KCNJ15: variants seen among roughly 807,000 people sequenced by gnomAD.
The protein encoded by KCNJ15 is potassium inwardly rectifying channel subfamily J member 15, also known as ATP-sensitive inward rectifier potassium channel 15.
Under a neutral mutation model 23.0 loss-of-function variants are expected in KCNJ15, and 14 were observed. The ratio of observed to expected loss-of-function variants is 0.61; its 90% CI spans 0.40 to 0.95. The LOEUF (loss-of-function observed/expected upper bound fraction) is 0.95. Ranked by LOEUF, KCNJ15 falls within the 40% of genes least tolerant of loss-of-function variation. The pLI is 0.00. For synonymous variants in KCNJ15, 185 were observed against 183.2 expected, an observed-to-expected ratio of 1.01 and a Z score of -0.08; for missense variants, 388 against 461.8, an observed-to-expected ratio of 0.84 and a Z score of 1.46.
At chr21:38,291,023 C>A (rs1458147506) in intron 1 of KCNJ15, among the ~76,000 whole-genome samples, 1 of 149,410 alleles carries the variant, frequency 6.7e-6, no homozygotes, top group South Asian at 2.2e-4. Flanking sequence ...CACACACACA[C>A]ACGTATATAT....
At chr21:38,246,824 T>C (rs1325836955) in intron 1 of KCNJ15, among the ~76,000 whole-genome samples, 5 of 152,220 alleles carry the variant, frequency 3.3e-5, no homozygotes, top group Non-Finnish European at 1.5e-5. Flanking sequence ...AATCTCACTC[T>C]GCAAATTTAA....
chr21:38,244,168 G>A (rs577553891), intron 1 of KCNJ15, among the ~76,000 whole-genome samples: 1 of 152,042 alleles, frequency 6.6e-6, no homozygotes, highest in East Asian at 1.9e-4. Flanking sequence ...CTGAACCTGA[G>A]ACAAAGCCGC....
chr21:38,296,682 C>A (rs959187396), intron 1 of KCNJ15: 2 of 152,428 alleles, frequency 1.3e-5, no homozygotes, highest in African/African-American at 4.8e-5. Context: ...CCCTCTCTTT[C>A]CAGGGTGTTT....
intron 1 of KCNJ15, among the ~76,000 whole-genome samples, chr21:38,266,970 G>A (rs894097296): frequency 2.0e-5 from 3 of 152,194 alleles, no homozygotes; most frequent in Admixed American, 1.3e-4. Context: ...TGGGTCCTGA[G>A]CTGCACTTTA....
rs187800886 is a variant in KCNJ15, at chr21:38,306,915, C to G, written c.*6526C>G. The G allele has an allele frequency of 2.0e-5, 3 of 152,232 alleles. No homozygotes were observed. The highest frequency in any genetic ancestry group is 2.0e-4 in the Admixed American group (3 of 15,284). 9.4% of individuals were successfully genotyped at this position (152,232 alleles called of 1,614,324 possible). ...ATGTAGATTTTATATGCAAACAATC[C>G]CACTGCTTGTAACTCCTGGCAGTGT... On this transcript the variant is annotated 3_prime_UTR_variant, in exon 3 of 3. Transcript: ENST00000398938.
At chr21:38,245,569 A>G (rs1979307196) in intron 1 of KCNJ15, among the ~76,000 whole-genome samples, 1 of 151,428 alleles carries the variant, frequency 6.6e-6, no homozygotes, top group Admixed American at 6.6e-5. Context: ...ACAAAGAAAG[A>G]AAAGAAAGAA....
At chr21:38,237,009 A>G (rs2123544427) in intron 1 of KCNJ15, among the ~76,000 whole-genome samples, 1 of 152,186 alleles carries the variant, frequency 6.6e-6, no homozygotes, top group East Asian at 1.9e-4. Flanking sequence ...ATTTCTACTC[A>G]GTCATCCTTG....
At chr21:38,237,968 A>C (rs2836231) in intron 1 of KCNJ15, 10,984 of 194,864 alleles carry the variant, frequency 0.056, 866 homozygotes, top group African/African-American at 0.19. Context: ...CAAGAACAAC[A>C]GTAACAATAA....
Position 38,273,931 on chromosome 21 carries a change from G to A in KCNJ15, c.-117+16746G>A, listed in dbSNP as rs147500474. Among the ~76,000 whole-genome samples, 628 of 152,328 alleles carry A rather than the reference G, an allele frequency of 4.1e-3. 1 individual carries two copies. The highest frequency in any genetic ancestry group is 6.8e-3 in the Middle Eastern group (2 of 294). The stretch of plus-strand genomic sequence containing the variant: ...AGCTCTTCTAAAACTAGACAGCAGC[G>A]TCAGTAGGCTTCTTCATGTGCTCAA... On this transcript the variant is annotated intron_variant, in intron 1 of 2. Transcript: ENST00000398938.
intron 1 of KCNJ15, among the ~76,000 whole-genome samples, chr21:38,233,616 G>A (rs1043304345): frequency 1.3e-5 from 2 of 151,724 alleles, no homozygotes; most frequent in Non-Finnish European, 2.9e-5. Flanking sequence ...TTGCCCTAGG[G>A]CTGTGTAGAC....
At chr21:38,249,080 C>T (rs1979652466) in intron 1 of KCNJ15, among the ~76,000 whole-genome samples, 1 of 152,142 alleles carries the variant, frequency 6.6e-6, no homozygotes, top group Non-Finnish European at 1.5e-5. Flanking sequence ...CCCCAATGGA[C>T]TTTACTCCTT....
chr21:38,300,850 G>T lies in KCNJ15; in HGVS notation c.*461G>T. Reference sequence around the variant, plus strand: ...TTTAAAACATGCTCTTTTTGTTCAAGCAGGAAAAATATTATATCTAATTAT... The same window carrying T: ...TTTAAAACATGCTCTTTTTGTTCAATCAGGAAAAATATTATATCTAATTAT... On this transcript the variant is annotated 3_prime_UTR_variant, in exon 3 of 3. Transcript: ENST00000398938. The T allele has an allele frequency of 5.9e-6, 1 of 168,466 alleles. No homozygotes were observed. Among genetic ancestry groups the T allele is most frequent in the Non-Finnish European group, 1.4e-5 (1 of 69,528 alleles). 10.4% of individuals were successfully genotyped at this position (168,466 alleles called of 1,614,324 possible).
At chr21:38,239,720 CA>C (rs924770876) in intron 1 of KCNJ15, among the ~76,000 whole-genome samples, 2 of 152,298 alleles carry the variant, frequency 1.3e-5, no homozygotes, top group African/African-American at 4.8e-5. Flanking sequence ...AATTGAGTTA[CA>C]AACAAAATAC....
upstream of KCNJ15, among the ~76,000 whole-genome samples, chr21:38,256,335 C>G (rs1450191499): frequency 3.1e-5 from 4 of 129,764 alleles, 1 homozygote; most frequent in East Asian, 8.5e-4. Flanking sequence ...CCAGAAGAAC[C>G]AAATTTTGCC....
At chr21:38,277,808 C>T (rs1982885459) in intron 1 of KCNJ15, among the ~76,000 whole-genome samples, 1 of 149,464 alleles carries the variant, frequency 6.7e-6, no homozygotes, top group East Asian at 2.0e-4. Flanking sequence ...AGAGCACTCA[C>T]ATGTTTTGGG....
intron 1 of KCNJ15, among the ~76,000 whole-genome samples, chr21:38,289,264 G>A (rs1000603456): frequency 2.0e-5 from 3 of 149,080 alleles, no homozygotes; most frequent in Non-Finnish European, 4.4e-5. Flanking sequence ...AAAAACAGAA[G>A]CCTTCCACTC....
chr21:38,268,426 T>C (rs1409920642), intron 1 of KCNJ15, among the ~76,000 whole-genome samples: 3 of 54,998 alleles, frequency 5.5e-5, no homozygotes, highest in Middle Eastern at 6.3e-3. Context: ...GTTATGTAGG[T>C]GGATTTTTTA....
chr21:38,261,071 G>C (rs374964759), intron 1 of KCNJ15, among the ~76,000 whole-genome samples: 2 of 144,868 alleles, frequency 1.4e-5, no homozygotes, highest in African/African-American at 5.2e-5. Flanking sequence ...GTGACGCAGA[G>C]AGGGAACACT....
chr21:38,243,368 CT>C (rs1299689510), intron 1 of KCNJ15, among the ~76,000 whole-genome samples: 4 of 152,156 alleles, frequency 2.6e-5, no homozygotes, highest in African/African-American at 9.7e-5. Flanking sequence ...AGTATTTGAT[CT>C]GCTAGATCGA....
Sources: gnomAD v4.1 joint callset for allele counts (sites outside exome capture counted in the v4.1 genomes callset) on GRCh38, gnomAD v4.1.1 for gene constraint, MANE v1.5 for transcripts, NCBI Gene and HGNC (gene_info 2026-07-23, HGNC 2026-07-21) for gene names.